MNS1: variants seen among roughly 807,000 people sequenced by gnomAD.
MNS1 encodes meiosis-specific nuclear structural protein 1.
Under a neutral mutation model 72.0 loss-of-function variants are expected in MNS1, and 63 were observed. That is an observed-to-expected ratio of 0.87 (90% CI 0.71 to 1.08). The LOEUF is 1.08. MNS1 is among the 50% of genes least tolerant of loss of function. MNS1 has a pLI of 0.00. For missense variants in MNS1, 604 were observed against 562.4 expected, an observed-to-expected ratio of 1.07 and a Z score of -0.75; for synonymous variants, 188 against 172.1, an observed-to-expected ratio of 1.09 and a Z score of -0.72.
intron 5 of MNS1, 114 bp from the exon 6 acceptor site, chr15:56,443,968 G>T: frequency 1.2e-6 from 1 of 817,342 alleles, no homozygotes; most frequent in Non-Finnish European, 1.8e-6. Context: ...ATTCGTGCAT[G>T]CAACAAACAT....
At chr15:56,440,899 C>T (rs1290770196) in intron 7 of MNS1, among the ~76,000 whole-genome samples, 1 of 151,964 alleles carries the variant, frequency 6.6e-6, no homozygotes, top group Non-Finnish European at 1.5e-5. Context: ...GTTATTTCTA[C>T]TTTTGGGTTA....
At chr15:56,457,076 T>C (rs1216573798) in intron 2 of MNS1, among the ~76,000 whole-genome samples, 2 of 152,176 alleles carry the variant, frequency 1.3e-5, no homozygotes, top group African/African-American at 4.8e-5. Context: ...GATCCACATA[T>C]TGCATCTAAT....
At chr15:56,459,859 G>A (rs1476317824) in intron 2 of MNS1, among the ~76,000 whole-genome samples, 2 of 150,278 alleles carry the variant, frequency 1.3e-5, no homozygotes, top group African/African-American at 4.9e-5. Flanking sequence ...GTGTGGTGGT[G>A]CATGCCTATA....
intron 3 of MNS1, among the ~76,000 whole-genome samples, 173 bp downstream of exon 3, chr15:56,456,221 A>G (rs1463361820): frequency 6.6e-6 from 1 of 152,162 alleles, no homozygotes; most frequent in Non-Finnish European, 1.5e-5. Flanking sequence ...CCATGAATAC[A>G]ACTTCTTTTC....
At chr15:56,451,063 T>G (rs1187980571) in intron 3 of MNS1, among the ~76,000 whole-genome samples, 1 of 152,254 alleles carries the variant, frequency 6.6e-6, no homozygotes, top group Non-Finnish European at 1.5e-5. Context: ...TTTGTTCATT[T>G]TTGAACTGGG....
Position 56,460,009 on chromosome 15 carries a change from A to AAAAAAAAAATATATATATATATATAT in MNS1, c.226-3489_226-3488insATATATATATATATATATTTTTTTTT. 3.4e-4 allele frequency among the ~76,000 whole-genome samples: 9 copies of AAAAAAAAAATATATATATATATATAT among 26,382 alleles called. 1 individual carries two copies. Among genetic ancestry groups the AAAAAAAAAATATATATATATATATAT allele is most frequent in the African/African-American group, 9.0e-4 (6 of 6,654 alleles). The allele number at this position is 26,382 out of a possible 152,430, so 17.3% of individuals were successfully genotyped here. A position where few individuals can be genotyped will look rare whatever the true frequency, so the allele number is the denominator to read the frequency against. ...CTGTCTCAAAAAAAAAAAAAAAAAA[A>AAAAAAAAAATATATATATATATATAT]ATACATATATATATATATATATATA... On this transcript the variant is annotated intron_variant, in intron 2 of 9. Coordinates refer to ENST00000260453, the MANE Select transcript of MNS1 (RefSeq NM_018365.4).
chr15:56,440,041 T>C (rs1342119796), intron 7 of MNS1, among the ~76,000 whole-genome samples: 2 of 152,024 alleles, frequency 1.3e-5, no homozygotes, highest in Non-Finnish European at 1.5e-5. Context: ...CTAGAATATA[T>C]GAAGAACTCT....
At chr15:56,464,731 G>A (rs1457292295) in intron 1 of MNS1, among the ~76,000 whole-genome samples, 1 of 152,110 alleles carries the variant, frequency 6.6e-6, no homozygotes, top group African/African-American at 2.4e-5. Flanking sequence ...TATTTCTTCA[G>A]AGGTTCTATT....
At chr15:56,433,774 A>C (rs2050665103) in intron 8 of MNS1, among the ~76,000 whole-genome samples, 1 of 152,172 alleles carries the variant, frequency 6.6e-6, no homozygotes, top group Non-Finnish European at 1.5e-5. Context: ...CAGGGTGTTC[A>C]TGATCTGTTT....
intron 4 of MNS1, among the ~76,000 whole-genome samples, chr15:56,446,453 A>G (rs183230366): frequency 1.3e-5 from 2 of 152,140 alleles, no homozygotes; most frequent in East Asian, 1.9e-4. Flanking sequence ...ATAAAACTGG[A>G]AAGTTTCCTA....
intron 2 of MNS1, among the ~76,000 whole-genome samples, chr15:56,458,921 G>A (rs1451816220): frequency 6.6e-6 from 1 of 152,078 alleles, no homozygotes; most frequent in African/African-American, 2.4e-5. Flanking sequence ...ATAAACATTT[G>A]TGCTATGGCA....
At chr15:56,455,529 A>C (rs1372566359) in intron 3 of MNS1, among the ~76,000 whole-genome samples, 1 of 152,172 alleles carries the variant, frequency 6.6e-6, no homozygotes, top group African/African-American at 2.4e-5. Context: ...CTGCTCAATT[A>C]AGATAAAATG....
At chr15:56,440,441 A>C (rs751714124) in intron 7 of MNS1, among the ~76,000 whole-genome samples, 1 of 152,200 alleles carries the variant, frequency 6.6e-6, no homozygotes, top group Non-Finnish European at 1.5e-5. Flanking sequence ...AGTTACCACA[A>C]AACCCAGCTA....
At position 56,443,546 on chromosome 15, in the gene MNS1, T is replaced by G. The variant is rs750503178; in HGVS notation, c.904-9A>C. On this transcript the variant is annotated splice_polypyrimidine_tract_variant and intron_variant, in intron 6 of 9. Transcript: ENST00000260453. Reference sequence around the variant, plus strand: ...TCTAATTTCTGTGTCAACTATTAAATTTTTTAAAAAACATAAATATTTATA... The same window carrying G: ...TCTAATTTCTGTGTCAACTATTAAAGTTTTTAAAAAACATAAATATTTATA... 6.3e-7 allele frequency: 1 copy of G among 1,577,684 alleles called. No individual in the cohort carries two copies. The highest frequency in any genetic ancestry group is 8.6e-7 in the Non-Finnish European group (1 of 1,168,034).
intron 4 of MNS1, among the ~76,000 whole-genome samples, chr15:56,445,265 T>C (rs2050887452): frequency 6.6e-6 from 1 of 152,062 alleles, no homozygotes; most frequent in African/African-American, 2.4e-5. Flanking sequence ...TTTAATTCAC[T>C]CAAGACCATT....
chr15:56,429,217 T>G, intron 9 of MNS1, 24 bp from the exon 10 acceptor site: 1 of 1,482,594 alleles, frequency 6.7e-7, no homozygotes, highest in Non-Finnish European at 9.3e-7. Context: ...ACTTTGTGGG[T>G]TACTTTTGAA....
intron 4 of MNS1, chr15:56,445,646 C>T (rs531365727): frequency 2.2e-4 from 33 of 151,534 alleles, no homozygotes; most frequent in South Asian, 4.2e-4. Context: ...ACACACTTAC[C>T]GAAAACAATG....
At position 56,452,450 on chromosome 15, in the gene MNS1, T is replaced by C. The variant is rs904176770; in HGVS notation, c.353+3944A>G. On this transcript the variant is annotated intron_variant, in intron 3 of 9. Transcript: ENST00000260453. ...ACTTAGGCACCCTCTACTTAGAACG[T>C]ACCAATATTCCAGACTCCCAGAAAG... Among the ~76,000 whole-genome samples, 5 of 152,162 alleles carry C rather than the reference T, an allele frequency of 3.3e-5. No individual in the cohort carries two copies. In the East Asian group the frequency reaches 7.7e-4, roughly 23 times the overall value.
At chr15:56,433,927 T>C (rs1206944072) in intron 8 of MNS1, among the ~76,000 whole-genome samples, 1 of 152,186 alleles carries the variant, frequency 6.6e-6, no homozygotes, top group Non-Finnish European at 1.5e-5. Flanking sequence ...ATTTACCTTT[T>C]ATGTTCTCAA....
Sources: allele counts gnomAD v4.1 joint callset (sites outside exome capture counted in the v4.1 genomes callset), GRCh38; gene constraint gnomAD v4.1.1; transcripts MANE v1.5; gene names NCBI Gene and HGNC (gene_info 2026-07-23, HGNC 2026-07-21).